The following MED27 variants were observed in gnomAD, a reference collection of about 807,000 sequenced individuals.
MED27 encodes the protein mediator complex subunit 27, also known as mediator of RNA polymerase II transcription subunit 27.
Under a neutral mutation model 38.2 loss-of-function variants are expected in MED27, and 30 were observed. The ratio of observed to expected loss-of-function variants is 0.79; its 90% CI spans 0.59 to 1.07. MED27 has a LOEUF of 1.07. Ranked by LOEUF, MED27 falls within the 50% of genes least tolerant of loss-of-function variation. The probability of loss-of-function intolerance (pLI) is 0.00; values close to 1 mark genes in which losing one functional copy is unlikely to be tolerated. For missense variants in MED27, 289 were observed against 397.5 expected (o/e 0.73, Z 2.32); for synonymous variants, 122 against 153.5 (o/e 0.79, Z 1.52).
intron 2 of MED27, among the ~76,000 whole-genome samples, chr9:132,039,813 T>A (rs1589282724): frequency 6.6e-6 from 1 of 152,246 alleles, no homozygotes; most frequent in African/African-American, 2.4e-5. Flanking sequence ...CAAGACAGGG[T>A]CCTGCCTCTA....
chr9:131,880,026 T>G (rs1839008752), intron 6 of MED27, among the ~76,000 whole-genome samples: 1 of 152,254 alleles, frequency 6.6e-6, no homozygotes, highest in African/African-American at 2.4e-5. Context: ...GTCCCACCTC[T>G]GCACGTAGTG....
Position 131,997,579 on chromosome 9 carries a change from T to C in MED27, c.479+16758A>G, listed in dbSNP as rs1276822726. 6.6e-6 allele frequency among the ~76,000 whole-genome samples: 1 copy of C among 152,194 alleles called. No individual in the cohort carries two copies. Among genetic ancestry groups the C allele is most frequent in the Non-Finnish European group, 1.5e-5 (1 of 68,018 alleles). On this transcript the variant is annotated intron_variant, in intron 3 of 7. Coordinates refer to ENST00000292035, the MANE Select transcript of MED27 (RefSeq NM_004269.4). The surrounding 1 kb of genome is among the most constrained non-coding windows in gnomAD (Gnocchi z 4.0). Reference sequence around the variant, plus strand: ...CCCCAGCAGTCCTGCTTCCTCCCACTTTCTTTCACAGGGGGTGATCCCTAA... The same window carrying C: ...CCCCAGCAGTCCTGCTTCCTCCCACCTTCTTTCACAGGGGGTGATCCCTAA...
intron 3 of MED27, among the ~76,000 whole-genome samples, chr9:131,992,769 C>T (rs1832004857): frequency 6.6e-6 from 1 of 152,130 alleles, no homozygotes; most frequent in Non-Finnish European, 1.5e-5. Context: ...CCATCTGCCC[C>T]ATAAGCCTTC....
chr9:131,983,833 A>G (rs1192916616), intron 3 of MED27, among the ~76,000 whole-genome samples: 1 of 152,208 alleles, frequency 6.6e-6, no homozygotes, highest in Non-Finnish European at 1.5e-5. Context: ...ACCCCTCAAA[A>G]CAATTTACAA....
chr9:132,038,186 TTC>T (rs750372316), intron 2 of MED27, among the ~76,000 whole-genome samples: 4 of 148,212 alleles, frequency 2.7e-5, no homozygotes, highest in African/African-American at 7.7e-5. Flanking sequence ...CCAGGCATCC[TTC>T]TTTTTTTTTT....
At chr9:132,023,588 TC>T (rs1832760743) in intron 2 of MED27, among the ~76,000 whole-genome samples, 1 of 152,084 alleles carries the variant, frequency 6.6e-6, no homozygotes, top group South Asian at 2.1e-4. Flanking sequence ...CTCCTTGGCT[TC>T]CCTCCATAAA....
intron 6 of MED27, chr9:131,868,588 T>C: frequency 1.0e-5 from 10 of 985,452 alleles, no homozygotes; most frequent in Non-Finnish European, 1.2e-5. Context: ...CTATTCTGAT[T>C]TACATTGGAC....
intron 3 of MED27, among the ~76,000 whole-genome samples, chr9:131,988,291 C>T (rs535029960): frequency 3.7e-4 from 57 of 152,238 alleles, no homozygotes; most frequent in African/African-American, 1.3e-3. Flanking sequence ...ATTAAAGGAG[C>T]CATTTATTCT....
chr9:131,946,556 C>G (rs1009486832), intron 3 of MED27, among the ~76,000 whole-genome samples: 2 of 152,194 alleles, frequency 1.3e-5, no homozygotes, highest in Non-Finnish European at 2.9e-5. Context: ...ATGCTTTACA[C>G]CCATGCTCCT....
intron 4 of MED27, among the ~76,000 whole-genome samples, chr9:131,905,719 A>C (rs1403144746): frequency 8.5e-5 from 9 of 105,804 alleles, no homozygotes; most frequent in African/African-American, 2.9e-4. Flanking sequence ...AAAAAAAAAA[A>C]AAAAAAAACA....
intron 2 of MED27, among the ~76,000 whole-genome samples, chr9:132,061,841 TC>T (rs1260567240): frequency 2.6e-5 from 4 of 152,346 alleles, no homozygotes; most frequent in African/African-American, 7.2e-5. Context: ...CTGTATCCTT[TC>T]TTTGCCCTTT....
intron 2 of MED27, among the ~76,000 whole-genome samples, chr9:132,037,961 C>T (rs114504452): frequency 1.3e-5 from 2 of 152,114 alleles, no homozygotes; most frequent in Middle Eastern, 3.4e-3. Context: ...TCCTAGGGTG[C>T]GTGAGGGTGG....
At position 132,052,837 on chromosome 9, in the gene MED27, A is replaced by G. The variant is rs1422698430; in HGVS notation, c.348+24605T>C. ...TTCTATCCATGCTGTTGTAAAAAACATAATTTCATTTTTCGTGGCTTAGCA... is the reference window on the plus strand; with the variant it reads ...TTCTATCCATGCTGTTGTAAAAAACGTAATTTCATTTTTCGTGGCTTAGCA... On this transcript the variant is annotated intron_variant, in intron 2 of 7. Transcript: ENST00000292035. Among the ~76,000 whole-genome samples, 5 of 152,224 alleles carry G rather than the reference A, an allele frequency of 3.3e-5. No individual in the cohort carries two copies. In the East Asian group the frequency reaches 9.6e-4, roughly 29 times the overall value.
intron 5 of MED27, among the ~76,000 whole-genome samples, chr9:131,886,338 AG>A (rs1839140581): frequency 6.6e-6 from 1 of 152,238 alleles, no homozygotes; most frequent in Non-Finnish European, 1.5e-5. Flanking sequence ...CCATGAGTTC[AG>A]CTCATCGAAC....
At chr9:131,896,185 G>A (rs1829829771) in intron 4 of MED27, among the ~76,000 whole-genome samples, 1 of 152,190 alleles carries the variant, frequency 6.6e-6, no homozygotes, top group South Asian at 2.1e-4. Flanking sequence ...ACAGGCACGA[G>A]CCACCACGCC....
intron 5 of MED27, among the ~76,000 whole-genome samples, chr9:131,893,508 T>C (rs1303142454): frequency 1.3e-5 from 2 of 152,190 alleles, no homozygotes; most frequent in Non-Finnish European, 2.9e-5. Flanking sequence ...TTGTGTCAAA[T>C]GAATGGGAAT....
At chr9:131,990,208 C>G (rs2131040359) in intron 3 of MED27, among the ~76,000 whole-genome samples, 1 of 152,240 alleles carries the variant, frequency 6.6e-6, no homozygotes, top group Non-Finnish European at 1.5e-5. Flanking sequence ...AGGGTCAGGG[C>G]CCTTAACAAT....
At chr9:131,993,575 G>A (rs1832025414) in intron 3 of MED27, among the ~76,000 whole-genome samples, 1 of 152,226 alleles carries the variant, frequency 6.6e-6, no homozygotes, top group Non-Finnish European at 1.5e-5. Flanking sequence ...CCCGTTCCGA[G>A]TGGGGGCACA....
chr9:132,052,342 C>T (rs778689579), intron 2 of MED27, among the ~76,000 whole-genome samples: 1 of 152,186 alleles, frequency 6.6e-6, no homozygotes, highest in Admixed American at 6.5e-5. Flanking sequence ...GTTAAATCCA[C>T]GCAGTAGTGA....
Sources: allele counts gnomAD v4.1 joint callset (sites outside exome capture counted in the v4.1 genomes callset), GRCh38; gene constraint gnomAD v4.1.1; non-coding constraint Gnocchi (gnomAD v3.1); transcripts MANE v1.5; gene names NCBI Gene and HGNC (gene_info 2026-07-23, HGNC 2026-07-21).